The following USP34 variants were observed in gnomAD, a reference collection of about 807,000 sequenced individuals.
The protein encoded by USP34 is ubiquitin specific peptidase 34, also known as ubiquitin carboxyl-terminal hydrolase 34.
In USP34, 70 loss-of-function variants were observed where a neutral mutation model predicts 460.3. The ratio of observed to expected loss-of-function variants is 0.15; its 90% CI spans 0.13 to 0.19. USP34 has a LOEUF of 0.19. Among genes scored for constraint, USP34 ranks in the 10% least tolerant of loss-of-function variants. The pLI is 1.00. For missense variants in USP34, 3,985 were observed against 4,236.2 expected (o/e 0.94, Z 1.65); for synonymous variants, 1,647 against 1,405.3 (o/e 1.17, Z -3.85).
chr2:61,248,954 G>A (rs1264606900), intron 48 of USP34, among the ~76,000 whole-genome samples: 1 of 152,126 alleles, frequency 6.6e-6, no homozygotes, highest in Admixed American at 6.5e-5. Flanking sequence ...AGATTAACAA[G>A]TATTAATAAA....
chr2:61,415,718 T>C (rs1694174763), intron 2 of USP34, among the ~76,000 whole-genome samples: 1 of 152,230 alleles, frequency 6.6e-6, no homozygotes, highest in Non-Finnish European at 1.5e-5. Context: ...TTTTAAACTC[T>C]GTATTACTTA....
At position 61,257,225 on chromosome 2, in the gene USP34, G is replaced by T. The variant is rs377617887; in HGVS notation, c.5970C>A (p.Ile1990=). 6.2e-6 allele frequency: 10 copies of T among 1,607,264 alleles called. No homozygotes were observed. In the South Asian group the frequency reaches 1.1e-4, roughly 18 times the overall value. The change falls in exon 45 of 80, where the codon ATC becomes ATA. Residue 1990 remains isoleucine (I), a synonymous_variant. Transcript: ENST00000398571. ...TEFFTDLITK[I]EEMSPELKNT... ...TAACCAGTTCGGGAGACATTTCTTCGATTTTGGTAATTAGATCAGTAAAAA... is the reference window on the plus strand; with the variant it reads ...TAACCAGTTCGGGAGACATTTCTTCTATTTTGGTAATTAGATCAGTAAAAA...
At chr2:61,301,753 G>C (rs1314903969) in intron 27 of USP34, among the ~76,000 whole-genome samples, 1 of 152,256 alleles carries the variant, frequency 6.6e-6, no homozygotes. Flanking sequence ...CAAGGACTAA[G>C]ATTTCTCTCC....
intron 20 of USP34, among the ~76,000 whole-genome samples, chr2:61,328,538 T>C (rs1385637427): frequency 3.9e-5 from 6 of 152,106 alleles, no homozygotes; most frequent in Admixed American, 3.9e-4. Flanking sequence ...AGGGAAATTG[T>C]ATCAAAATAG....
At chr2:61,413,883 A>G (rs1286174354) in intron 2 of USP34, among the ~76,000 whole-genome samples, 3 of 150,554 alleles carry the variant, frequency 2.0e-5, no homozygotes, top group Admixed American at 6.7e-5. Context: ...GTGAGCCAAG[A>G]TCGCGCCATT....
At chr2:61,457,799 G>A (rs185657436) in intron 1 of USP34, among the ~76,000 whole-genome samples, 1 of 152,256 alleles carries the variant, frequency 6.6e-6, no homozygotes, top group Non-Finnish European at 1.5e-5. Flanking sequence ...AGTGAGCTAG[G>A]ATCATATCAC....
chr2:61,332,288 A>C (rs781201138), intron 19 of USP34, among the ~76,000 whole-genome samples: 37 of 152,036 alleles, frequency 2.4e-4, no homozygotes, highest in Non-Finnish European at 4.1e-4. Flanking sequence ...TACATACTAG[A>C]CTCACAATAA....
At chr2:61,459,860 G>A (rs1695549431) in intron 1 of USP34, among the ~76,000 whole-genome samples, 3 of 151,318 alleles carry the variant, frequency 2.0e-5, no homozygotes, top group South Asian at 4.2e-4. Flanking sequence ...AGGAGATCAA[G>A]ACCATCCTGA....
chr2:61,271,563 T>C (rs1235733964), intron 41 of USP34, among the ~76,000 whole-genome samples: 1 of 151,560 alleles, frequency 6.6e-6, no homozygotes, highest in Non-Finnish European at 1.5e-5. Context: ...ACTCATACTT[T>C]AAAAGGAGAA....
chr2:61,283,544 C>G, intron 35 of USP34, 95 bp from the exon 36 acceptor site: 1 of 1,342,542 alleles, frequency 7.4e-7, no homozygotes, highest in Non-Finnish European at 1.0e-6. Context: ...GTTATCACTT[C>G]CCCCCCAAAA....
intron 75 of USP34, among the ~76,000 whole-genome samples, chr2:61,193,805 G>A (rs529194903): frequency 1.3e-5 from 2 of 152,312 alleles, no homozygotes; most frequent in South Asian, 4.1e-4. Flanking sequence ...CAAGGAGTCA[G>A]CAAACTTGTT....
In USP34 at chr2:61,229,523, A is replaced by C. The variant is rs754286484; in HGVS notation, c.7199+25T>G. 7 of 1,568,886 alleles carry C rather than the reference A, an allele frequency of 4.5e-6. No individual in the cohort carries two copies. The South Asian group carries it at 6.8e-5, about 15-fold the overall frequency. ...CACACACACACAACACAGACACACA[A>C]ACTTATTCAAAAAGTACTTCTTACC... is the stretch of plus-strand genomic sequence containing the variant. On this transcript the variant is annotated intron_variant, in intron 59 of 79. Coordinates refer to ENST00000398571, the MANE Select transcript of USP34 (RefSeq NM_014709.4).
At chr2:61,299,109 G>A (rs1690139790) in intron 29 of USP34, among the ~76,000 whole-genome samples, 1 of 151,978 alleles carries the variant, frequency 6.6e-6, no homozygotes, top group African/African-American at 2.4e-5. Context: ...AAAAAACAAT[G>A]GGTATTTCTT....
At chr2:61,333,062 A>T (rs1034604475) in intron 19 of USP34, among the ~76,000 whole-genome samples, 1 of 152,168 alleles carries the variant, frequency 6.6e-6, no homozygotes, top group Admixed American at 6.5e-5. Flanking sequence ...TAAAATTCAA[A>T]TGTCTCCGAA....
At chr2:61,409,020 G>A (rs1319493550) in intron 2 of USP34, among the ~76,000 whole-genome samples, 1 of 151,942 alleles carries the variant, frequency 6.6e-6, no homozygotes, top group Non-Finnish European at 1.5e-5. Context: ...AGGAGTTCAA[G>A]ACCAGCCTGA....
intron 18 of USP34, among the ~76,000 whole-genome samples, chr2:61,334,513 G>A (rs7587280): frequency 0.15 from 22,063 of 152,154 alleles, 2,155 homozygotes; most frequent in South Asian, 0.36. Flanking sequence ...TTGGCTGCAT[G>A]AGCCTTAAAA....
At chr2:61,301,974 G>C (rs997242551) in intron 27 of USP34, among the ~76,000 whole-genome samples, 1 of 151,402 alleles carries the variant, frequency 6.6e-6, no homozygotes, top group Non-Finnish European at 1.5e-5. Flanking sequence ...AAGGAAAAAG[G>C]AAAGAAAGAA....
At position 61,206,769 on chromosome 2, in the gene USP34, G is replaced by T; in HGVS notation, c.9037C>A (p.Gln3013Lys). 1 of 1,613,116 alleles carries T rather than the reference G, an allele frequency of 6.2e-7. No homozygotes were observed. Among genetic ancestry groups the T allele is most frequent in the Admixed American group, 1.7e-5 (1 of 59,846 alleles). Residue 3013 changes from glutamine to lysine, a missense_variant, in exon 71 of 80, where the codon CAG (glutamine) becomes AAG (lysine). By Grantham distance (53) the Gln-to-Lys change is moderately conservative. Transcript: ENST00000398571. The stretch of plus-strand genomic sequence containing the variant: ...GTAGGAATGAGCAAACCTTTTCTCT[G>T]AAGATAAGGGCGTGTAGACTTCAAA... ...SVLKSTRPYL[Q>K]RKDVKQALIQ...
At chr2:61,334,117 G>T in intron 18 of USP34, 146 bp from the exon 19 acceptor site, 1 of 512,730 alleles carries the variant, frequency 2.0e-6, no homozygotes, top group Non-Finnish European at 3.2e-6. Flanking sequence ...TTTCTCAGAA[G>T]TATAAATTCA....
Sources: gnomAD v4.1 joint callset for allele counts (sites outside exome capture counted in the v4.1 genomes callset) on GRCh38, gnomAD v4.1.1 for gene constraint, MANE v1.5 for transcripts, NCBI Gene and HGNC (gene_info 2026-07-23, HGNC 2026-07-21) for gene names.